Variants in RASA3 observed in about 807,000 individuals in gnomAD.
The protein encoded by RASA3 is ras GTPase-activating protein 3.
Under a neutral mutation model 110.0 loss-of-function variants are expected in RASA3, and 73 were observed. The observed-to-expected ratio is 0.66, with a 90% confidence interval of 0.55 to 0.81. The LOEUF is 0.81. Ranked by LOEUF, RASA3 falls within the 30% of genes least tolerant of loss-of-function variation. The pLI, the probability that RASA3 is intolerant of heterozygous loss-of-function variation, is 0.00. For synonymous variants in RASA3, 500 were observed against 451.4 expected, an observed-to-expected ratio of 1.11 and a Z score of -1.37; for missense variants, 976 against 1,113.2, an observed-to-expected ratio of 0.88 and a Z score of 1.75.
chr13:113,996,082 GGGGGGCCCGGCTGAT>G (rs1566454105), intron 21 of RASA3, among the ~76,000 whole-genome samples: 1 of 144,232 alleles, frequency 6.9e-6, no homozygotes, highest in Non-Finnish European at 1.5e-5. Context: ...CCCGGCTGAT[GGGGGGCCCGGCTGAT>G]GGGGACCCGG....
intron 1 of RASA3, among the ~76,000 whole-genome samples, chr13:114,077,533 C>T (rs2079708055): frequency 6.8e-6 from 1 of 146,886 alleles, no homozygotes; most frequent in Non-Finnish European, 1.5e-5. Flanking sequence ...GGATTCATCC[C>T]TCCCTCCCTG....
chr13:114,122,988 G>A (rs1157424907), intron 1 of RASA3, among the ~76,000 whole-genome samples: 2 of 152,234 alleles, frequency 1.3e-5, no homozygotes, highest in South Asian at 2.1e-4. Context: ...AAAAGCGCCT[G>A]GGCTGTGGTC....
intron 4 of RASA3, among the ~76,000 whole-genome samples, chr13:114,031,089 G>C (rs182006158): frequency 9.9e-5 from 14 of 140,922 alleles, no homozygotes; most frequent in Admixed American, 7.1e-5. Context: ...GTCTACCTGT[G>C]TGTGCATGTG....
Position 114,056,973 on chromosome 13 carries a change from C to T in RASA3, c.174-4818G>A, listed in dbSNP as rs939117106. Among the ~76,000 whole-genome samples the T allele has an allele frequency of 6.6e-6, 1 of 151,956 alleles. No homozygotes were observed. Among genetic ancestry groups the T allele is most frequent in the African/African-American group, 2.4e-5 (1 of 41,376 alleles). ...CGCTTTGGGGCCCTCTGTCAGGCTG[C>T]CCCCCCTGCTAAGAGGAGCTGTTGT... On this transcript the variant is annotated intron_variant, in intron 2 of 23. Transcript: ENST00000334062. This position sits in a 1 kb window ranked among gnomAD's most constrained non-coding sequence, Gnocchi z 5.7.
chr13:114,032,582 C>T (rs1360658780), intron 4 of RASA3, among the ~76,000 whole-genome samples: 1 of 152,086 alleles, frequency 6.6e-6, no homozygotes, highest in African/African-American at 2.4e-5. Context: ...AACATAAAGC[C>T]CTTCAGCCCT....
In RASA3 at chr13:113,996,744, G is replaced by C; in HGVS notation, c.1933-5C>G. 6.2e-7 allele frequency: 1 copy of C among 1,612,972 alleles called. No homozygotes were observed. ...TGGCTGGATGACCTGGAACATCTGA[G>C]GACACAGGTGGGCTCAGGACAGCGC... On this transcript the variant is annotated splice_region_variant and splice_polypyrimidine_tract_variant and intron_variant, in intron 20 of 23. Transcript: ENST00000334062.
chr13:114,023,078 CG>C (rs1308640439), intron 8 of RASA3, among the ~76,000 whole-genome samples: 2 of 152,336 alleles, frequency 1.3e-5, no homozygotes, highest in African/African-American at 4.8e-5. Flanking sequence ...TCCCAGCAGC[CG>C]TAGGGCCTGA....
intron 1 of RASA3, among the ~76,000 whole-genome samples, chr13:114,078,209 G>A (rs1486442449): frequency 3.9e-5 from 6 of 152,234 alleles, no homozygotes; most frequent in African/African-American, 7.2e-5. Flanking sequence ...TGAGCGGGAC[G>A]GGGGCTGCCC....
At chr13:114,002,940 T>A (rs1025549395) in intron 18 of RASA3, among the ~76,000 whole-genome samples, 1 of 152,220 alleles carries the variant, frequency 6.6e-6, no homozygotes, top group Non-Finnish European at 1.5e-5. Flanking sequence ...CCCAGTCCTG[T>A]GTCCCAGTGG....
chr13:114,082,322 G>T (rs542126925), intron 1 of RASA3, among the ~76,000 whole-genome samples: 129 of 152,380 alleles, frequency 8.5e-4, no homozygotes, highest in African/African-American at 3.0e-3. Context: ...ACCAAATTGG[G>T]ATTGGGAACC....
chr13:114,081,726 T>G (rs1490572114), intron 1 of RASA3, among the ~76,000 whole-genome samples: 1 of 152,136 alleles, frequency 6.6e-6, no homozygotes, highest in Non-Finnish European at 1.5e-5. Flanking sequence ...GAAGTTTCAC[T>G]GGCGGCTGAA....
In RASA3 at chr13:114,073,279, C is replaced by T. The variant is rs569833352; in HGVS notation, c.173+441G>A. ...GGAAAACGGGACGGTGATGTACACG[C>T]TCGGGACATTGTCTACGCACAGAAA... On this transcript the variant is annotated intron_variant, in intron 2 of 23. Transcript: ENST00000334062. Among the ~76,000 whole-genome samples the T allele has an allele frequency of 6.7e-4, 96 of 143,910 alleles. 4 individuals carry two copies. The highest frequency in any genetic ancestry group is 1.5e-3 in the South Asian group (7 of 4,522). 94.4% of individuals were successfully genotyped at this position (143,910 alleles called of 152,430 possible).
At position 114,089,955 on chromosome 13, in the gene RASA3, G is replaced by A. The variant is rs531639779; in HGVS notation, c.56-16118C>T. Among the ~76,000 whole-genome samples the A allele has an allele frequency of 5.3e-5, 8 of 152,132 alleles. No individual in the cohort carries two copies. The South Asian group carries it at 1.0e-3, about 20-fold the overall frequency. ...ACTGAACGTCCTGTCTTCAAGGTTC[G>A]CCCGTGCTTAGCCCGTCACAGCTCT... On this transcript the variant is annotated intron_variant, in intron 1 of 23. Coordinates refer to ENST00000334062, the MANE Select transcript of RASA3 (RefSeq NM_007368.4).
intron 1 of RASA3, among the ~76,000 whole-genome samples, chr13:114,111,170 G>T (rs2080215437): frequency 1.3e-5 from 1 of 74,482 alleles, no homozygotes; most frequent in Non-Finnish European, 2.8e-5. Flanking sequence ...GAGTTCTAAC[G>T]GGCTGAGCCA....
chr13:114,070,902 C>T (rs113838913), intron 2 of RASA3, among the ~76,000 whole-genome samples: 4 of 127,774 alleles, frequency 3.1e-5, no homozygotes, highest in Admixed American at 8.0e-5. Context: ...CTAAACGGCG[C>T]CACAGTTTTA....
chr13:114,110,906 C>T (rs1259408056), intron 1 of RASA3, among the ~76,000 whole-genome samples: 1 of 152,126 alleles, frequency 6.6e-6, no homozygotes, highest in African/African-American at 2.4e-5. Flanking sequence ...AGGGTCTGGC[C>T]GTGGGCCCCG....
intron 2 of RASA3, among the ~76,000 whole-genome samples, chr13:114,055,960 C>G (rs1366201407): frequency 2.0e-5 from 3 of 152,266 alleles, no homozygotes; most frequent in Admixed American, 2.0e-4. Context: ...GATAGCCAAG[C>G]TGCCAGAGAA....
intron 1 of RASA3, among the ~76,000 whole-genome samples, chr13:114,107,155 GGGCACCTTGACCC>G: frequency 3.7e-5 from 1 of 26,784 alleles, no homozygotes; most frequent in Admixed American, 2.6e-4. Flanking sequence ...CCTTGACCCT[GGGCACCTTGACCC>G]TCACGGGGTA....
rs377441485 is a variant in RASA3, at chr13:113,996,605, G to A, written c.2067C>T (p.Ser689=). 26 of 1,613,502 alleles carry A rather than the reference G, an allele frequency of 1.6e-5. No individual in the cohort carries two copies. Among genetic ancestry groups the A allele is most frequent in the South Asian group, 1.2e-4 (11 of 91,092 alleles). The part of the protein sequence containing the change: ...NQKRLTVYHP[S]AYLSGHWLCC... ...ACAGCCAGTGGCCGCTCAGGTAGGC[G>A]GACGGGTGGTAGACGGTGAGGCGCT... Residue 689 remains serine, a synonymous_variant, in exon 21 of 24, where the codon TCC becomes TCT. Transcript: ENST00000334062.
Sources: allele counts gnomAD v4.1 joint callset (sites outside exome capture counted in the v4.1 genomes callset), GRCh38; gene constraint gnomAD v4.1.1; non-coding constraint Gnocchi (gnomAD v3.1); transcripts MANE v1.5; gene names NCBI Gene and HGNC (gene_info 2026-07-23, HGNC 2026-07-21).